Variants in SGIP1 observed in about 807,000 individuals in gnomAD.
The protein encoded by SGIP1 is SH3GL interacting endocytic adaptor 1.
A neutral mutation model predicts 107.5 loss-of-function variants in SGIP1; 38 were observed. That is an observed-to-expected ratio of 0.35 (90% CI 0.27 to 0.46). SGIP1 has a LOEUF of 0.46. Ranked by LOEUF, SGIP1 falls within the 20% of genes least tolerant of loss-of-function variation. The pLI is 1.00. For missense variants in SGIP1, 929 were observed against 1,019.5 expected (o/e 0.91, Z 1.21); for synonymous variants, 365 against 366.1 (o/e 1.00, Z 0.03).
intron 1 of SGIP1, among the ~76,000 whole-genome samples, chr1:66,613,088 C>G (rs558006007): frequency 6.6e-6 from 1 of 152,148 alleles, no homozygotes; most frequent in African/African-American, 2.4e-5. Flanking sequence ...ACTTTTAACA[C>G]TAAAACAATA....
intron 1 of SGIP1, among the ~76,000 whole-genome samples, chr1:66,546,684 T>G (rs1305698442): frequency 6.6e-6 from 1 of 152,236 alleles, no homozygotes; most frequent in Non-Finnish European, 1.5e-5. Flanking sequence ...CTGCGTTGGA[T>G]TCTAGTCCTG....
rs7525588 is a variant in SGIP1 at position 66,601,086 on chromosome 1, G to A, written c.11-24761G>A. ...GTCCTACTCAAAAGAAGTAAAGGCC[G>A]GGCGCGGTGGCTCACGCCTGTAATC... On this transcript the variant is annotated intron_variant, in intron 1 of 24. Transcript: ENST00000371037. Among the ~76,000 whole-genome samples the A allele has an allele frequency of 5.0e-4, 76 of 152,232 alleles. 1 individual carries two copies. The highest frequency in any genetic ancestry group is 9.7e-4 in the Non-Finnish European group (66 of 68,010).
intron 8 of SGIP1, among the ~76,000 whole-genome samples, chr1:66,667,179 A>ACC (rs61197134): frequency 4.4e-4 from 65 of 148,812 alleles, no homozygotes; most frequent in African/African-American, 1.5e-3. Context: ...TTCTCTAAGT[A>ACC]CCCCCCCCCA....
intron 7 of SGIP1, among the ~76,000 whole-genome samples, chr1:66,645,909 C>T (rs990973836): frequency 8.5e-5 from 13 of 152,058 alleles, no homozygotes; most frequent in Non-Finnish European, 1.9e-4. Flanking sequence ...GGTATGATGT[C>T]GGCTGACTGC....
At chr1:66,636,982 A>G (rs907287280) in intron 4 of SGIP1, among the ~76,000 whole-genome samples, 1 of 152,212 alleles carries the variant, frequency 6.6e-6, no homozygotes, top group African/African-American at 2.4e-5. Context: ...ATCTTTAAAT[A>G]ATAATCATAT....
chr1:66,577,217 G>C (rs920986), intron 1 of SGIP1, among the ~76,000 whole-genome samples: 19,753 of 152,030 alleles, frequency 0.13, 1,330 homozygotes, highest in South Asian at 0.14. Context: ...ATTCCTCCAT[G>C]AAGGCCTTTC....
rs566820786 is a variant in SGIP1, at chr1:66,725,963, C to T, written c.1743-3301C>T. Reference sequence around the variant, plus strand: ...AGGAGGCTGGAAAAGAATCCATCTGCATTGCAAGATCTGGGCATTGTGGCA... The same window carrying T: ...AGGAGGCTGGAAAAGAATCCATCTGTATTGCAAGATCTGGGCATTGTGGCA... On this transcript the variant is annotated intron_variant, in intron 19 of 24. Transcript: ENST00000371037. Among the ~76,000 whole-genome samples, 12 of 152,360 alleles carry T rather than the reference C, an allele frequency of 7.9e-5. No homozygotes were observed. The South Asian group carries it at 2.5e-3, about 32-fold the overall frequency.
chr1:66,591,863 G>C (rs1320495415), intron 1 of SGIP1, among the ~76,000 whole-genome samples: 2 of 152,200 alleles, frequency 1.3e-5, no homozygotes, highest in East Asian at 3.8e-4. Flanking sequence ...GTAAGTTTAA[G>C]GAAAAGTGCT....
intron 1 of SGIP1, among the ~76,000 whole-genome samples, chr1:66,580,777 A>G (rs1446976752): frequency 2.0e-5 from 3 of 152,188 alleles, no homozygotes; most frequent in African/African-American, 4.8e-5. Flanking sequence ...ATGCATGACT[A>G]CATAGCGCTT....
At chr1:66,701,410 G>A (rs945678370) in intron 18 of SGIP1, among the ~76,000 whole-genome samples, 2 of 152,130 alleles carry the variant, frequency 1.3e-5, no homozygotes, top group Non-Finnish European at 2.9e-5. Flanking sequence ...AAACAATACA[G>A]AAACATTAAA....
intron 1 of SGIP1, among the ~76,000 whole-genome samples, chr1:66,570,901 C>T (rs543132297): frequency 1.2e-3 from 182 of 152,066 alleles, no homozygotes; most frequent in Non-Finnish European, 2.0e-3. Context: ...CCCTATAAGA[C>T]TGTAATTCCT....
At chr1:66,701,252 G>A (rs2091866096) in intron 18 of SGIP1, among the ~76,000 whole-genome samples, 2 of 152,156 alleles carry the variant, frequency 1.3e-5, no homozygotes, top group African/African-American at 2.4e-5. Context: ...ATTTTCTGGG[G>A]AGCAATGGCT....
intron 1 of SGIP1, among the ~76,000 whole-genome samples, chr1:66,574,584 A>T (rs1463306272): frequency 6.6e-6 from 1 of 152,180 alleles, no homozygotes; most frequent in African/African-American, 2.4e-5. Flanking sequence ...TGCAGAACAT[A>T]GGAGTTATCA....
At chr1:66,629,492 G>A (rs910502589) in intron 2 of SGIP1, among the ~76,000 whole-genome samples, 1 of 152,062 alleles carries the variant, frequency 6.6e-6, no homozygotes, top group Admixed American at 6.6e-5. Flanking sequence ...CCATATTCTA[G>A]TCTAAAATCC....
In SGIP1 at chr1:66,589,194, A is replaced by AAC. The variant is rs1557989842; in HGVS notation, c.11-36653_11-36652insAC. 8.4e-4 allele frequency among the ~76,000 whole-genome samples: 56 copies of AAC among 66,480 alleles called. 2 individuals carry two copies. The highest frequency in any genetic ancestry group is 6.7e-4 in the Non-Finnish European group (22 of 32,722). The allele number at this position is 66,480 out of a possible 152,430, so 43.6% of individuals were successfully genotyped here. A position where few individuals can be genotyped will look rare whatever the true frequency, so the allele number is the denominator to read the frequency against. ...TATATATATATATATATATATATAT[A>AAC]TATATATATATATATATATATATGT... On this transcript the variant is annotated intron_variant, in intron 1 of 24. Transcript: ENST00000371037.
intron 18 of SGIP1, chr1:66,704,626 T>C (rs1043325330): frequency 6.6e-6 from 1 of 152,242 alleles, no homozygotes; most frequent in Non-Finnish European, 1.5e-5. Context: ...CAACATGCAA[T>C]CGCTGGCTGA....
chr1:66,651,145 A>G (rs546781869), intron 7 of SGIP1, among the ~76,000 whole-genome samples: 128 of 152,336 alleles, frequency 8.4e-4, no homozygotes, highest in African/African-American at 3.0e-3. Flanking sequence ...GATAGCTATT[A>G]TTAATCAGGA....
intron 7 of SGIP1, among the ~76,000 whole-genome samples, chr1:66,656,695 G>A (rs1453922779): frequency 2.0e-5 from 3 of 152,040 alleles, no homozygotes; most frequent in African/African-American, 7.2e-5. Context: ...GAGCTTTTAT[G>A]GCCTTTTCTG....
At chr1:66,687,552 CTA>C (rs2088708739) in intron 15 of SGIP1, among the ~76,000 whole-genome samples, 3 of 152,062 alleles carry the variant, frequency 2.0e-5, no homozygotes, top group African/African-American at 7.2e-5. Context: ...AAATGTGGGA[CTA>C]TACACCACAG....
Sources: allele counts gnomAD v4.1 joint callset (sites outside exome capture counted in the v4.1 genomes callset), GRCh38; gene constraint gnomAD v4.1.1; transcripts MANE v1.5; gene names NCBI Gene and HGNC (gene_info 2026-07-23, HGNC 2026-07-21).